The following CDC42BPA variants were observed in gnomAD, a reference collection of about 807,000 sequenced individuals.
CDC42BPA encodes serine/threonine-protein kinase MRCK alpha.
A neutral mutation model predicts 223.5 loss-of-function variants in CDC42BPA; 80 were observed. The ratio of observed to expected loss-of-function variants is 0.36; its 90% CI spans 0.30 to 0.43. The LOEUF (loss-of-function observed/expected upper bound fraction) is 0.43. CDC42BPA is among the 20% of genes least tolerant of loss of function. The pLI is 1.00. For synonymous variants in CDC42BPA, 694 were observed against 718.6 expected, an observed-to-expected ratio of 0.97 and a Z score of 0.55; for missense variants, 1,743 against 2,099.9, an observed-to-expected ratio of 0.83 and a Z score of 3.32.
At chr1:227,237,451 C>A (rs1017416664) in intron 2 of CDC42BPA, among the ~76,000 whole-genome samples, 1 of 152,128 alleles carries the variant, frequency 6.6e-6, no homozygotes. Context: ...AAAAAAGACA[C>A]ACTTAAATAC....
intron 32 of CDC42BPA, among the ~76,000 whole-genome samples, chr1:227,019,275 C>A (rs1053631730): frequency 6.6e-6 from 1 of 152,066 alleles, no homozygotes; most frequent in African/African-American, 2.4e-5. Flanking sequence ...CCATGAGATA[C>A]AACACCTCAT....
At chr1:227,304,070 A>T (rs1192008617) in intron 1 of CDC42BPA, among the ~76,000 whole-genome samples, 1 of 152,190 alleles carries the variant, frequency 6.6e-6, no homozygotes, top group Non-Finnish European at 1.5e-5. Flanking sequence ...ACAAATTGCC[A>T]ACTGCTAGGG....
chr1:227,032,299 A>T (rs1669429423), intron 27 of CDC42BPA, among the ~76,000 whole-genome samples: 1 of 152,192 alleles, frequency 6.6e-6, no homozygotes, highest in Non-Finnish European at 1.5e-5. Flanking sequence ...GGGCCTCTGT[A>T]GGCTCCCTTG....
chr1:227,095,501 C>G (rs913653637), intron 15 of CDC42BPA, among the ~76,000 whole-genome samples: 1 of 151,378 alleles, frequency 6.6e-6, no homozygotes, highest in African/African-American at 2.4e-5. Context: ...TTCTGTGGAT[C>G]ATGATGACTT....
intron 5 of CDC42BPA, among the ~76,000 whole-genome samples, chr1:227,193,040 GA>G (rs1234320172): frequency 6.8e-6 from 1 of 147,962 alleles, no homozygotes; most frequent in African/African-American, 2.5e-5. Context: ...GTGATTTCTA[GA>G]AATGCTGACT....
rs1446239776 is a variant in CDC42BPA at position 227,193,604 on chromosome 1, T to C, written c.599+182A>G. 7 of 555,340 alleles carry C rather than the reference T, an allele frequency of 1.3e-5. No homozygotes were observed. The Admixed American group carries it at 2.4e-4, about 19-fold the overall frequency. 34.4% of individuals were successfully genotyped at this position (555,340 alleles called of 1,614,324 possible). A position where few individuals can be genotyped will look rare whatever the true frequency, so the allele number is the denominator to read the frequency against. ...TATGTATAAGCAGGCACATCGGTTC[T>C]GTAATGCTGACAAATAATAACAACA... On this transcript the variant is annotated intron_variant, in intron 5 of 36. Transcript: ENST00000366766.
Position 227,091,874 on chromosome 1 carries a change from T to C in CDC42BPA, c.2355+12A>G, listed in dbSNP as rs1433012691. On this transcript the variant is annotated intron_variant, in intron 16 of 36. Coordinates refer to ENST00000366766, the MANE Select transcript of CDC42BPA (RefSeq NM_001394014.1). ...ATGTACTACTCAATTAATATGAGAT[T>C]AAATCACTCACCTTATCAAGTTCAC... is the stretch of plus-strand genomic sequence containing the variant. The C allele has an allele frequency of 6.9e-7, 1 of 1,448,694 alleles. No individual in the cohort carries two copies. The highest frequency in any genetic ancestry group is 1.2e-5 in the South Asian group (1 of 83,674). 89.7% of individuals were successfully genotyped at this position (1,448,694 alleles called of 1,614,324 possible). A position where few individuals can be genotyped will look rare whatever the true frequency, so the allele number is the denominator to read the frequency against.
intron 1 of CDC42BPA, among the ~76,000 whole-genome samples, chr1:227,287,721 T>G (rs1243874290): frequency 6.6e-6 from 1 of 152,140 alleles, no homozygotes; most frequent in Non-Finnish European, 1.5e-5. Flanking sequence ...TGACAAATAA[T>G]TATACATATT....
chr1:227,246,450 G>C (rs891135436), intron 2 of CDC42BPA, among the ~76,000 whole-genome samples: 5 of 152,182 alleles, frequency 3.3e-5, no homozygotes, highest in African/African-American at 1.2e-4. Context: ...GTCTGACCCA[G>C]CACAGTCCCA....
Position 227,051,996 on chromosome 1 carries a change from A to T in CDC42BPA, c.2905-11T>A. 1 of 1,360,464 alleles carries T rather than the reference A, an allele frequency of 7.4e-7. No homozygotes were observed. Among genetic ancestry groups the T allele is most frequent in the Middle Eastern group, 2.1e-4 (1 of 4,762 alleles). The allele number at this position is 1,360,464 out of a possible 1,614,324, so 84.3% of individuals were successfully genotyped here. On this transcript the variant is annotated splice_polypyrimidine_tract_variant and intron_variant, in intron 21 of 36. Coordinates refer to ENST00000366766, the MANE Select transcript of CDC42BPA (RefSeq NM_001394014.1). ...CTCAACGGGATCAGTCTAGGAAAAT[A>T]AGTCGGGAAAAATAAAAACCCAAAA...
Position 227,005,093 on chromosome 1 carries a change from T to A in CDC42BPA, c.4876A>T (p.Ser1626Cys), listed in dbSNP as rs758497392. The change falls in exon 35 of 37, where the codon AGT becomes TGT. Residue 1626 changes from serine to cysteine, a missense_variant. Physicochemically the swap from Ser to Cys is moderately radical, Grantham distance 112. Around this residue, in one of 6 missense-constraint regions of CDC42BPA, gnomAD observed 200 missense variants for 192.8 expected, o/e 1.04. Transcript: ENST00000366766. ...ACTGAGCCACTGAATACTGTCCGAC[T>A]TTCCTGAGGCCGAGGGTTCTATAAA... ...DLPMNPRPQE[S>C]RTVFSGSVSI... 1 of 1,613,720 alleles carries A rather than the reference T, an allele frequency of 6.2e-7. No homozygotes were observed. The highest frequency in any genetic ancestry group is 8.5e-7 in the Non-Finnish European group (1 of 1,179,568).
chr1:227,148,183 G>A lies in CDC42BPA; in HGVS notation c.694-624C>T, dbSNP rs2149693011. ...AAAACAGGTAATTAAAACCAGGCAT[G>A]GGAGCTGACATCTGTAATCCCAGCA... On this transcript the variant is annotated intron_variant, in intron 6 of 36. Transcript: ENST00000366766. 2.0e-5 allele frequency among the ~76,000 whole-genome samples: 3 copies of A among 152,260 alleles called. No individual in the cohort carries two copies. In the South Asian group the frequency reaches 6.2e-4, roughly 32 times the overall value.
chr1:227,158,586 T>C (rs1482072064), intron 6 of CDC42BPA, among the ~76,000 whole-genome samples: 1 of 152,144 alleles, frequency 6.6e-6, no homozygotes, highest in East Asian at 1.9e-4. Context: ...GCCCCTCTAC[T>C]TGGAAGGAAG....
chr1:227,114,263 A>T (rs569081214), intron 12 of CDC42BPA, among the ~76,000 whole-genome samples: 1 of 152,150 alleles, frequency 6.6e-6, no homozygotes, highest in East Asian at 1.9e-4. Context: ...GGAAAATTAG[A>T]CTAAGAACAG....
chr1:227,196,337 A>ATTTTTTTTT (rs1558733013), intron 4 of CDC42BPA, among the ~76,000 whole-genome samples: 1 of 28,192 alleles, frequency 3.5e-5, no homozygotes, highest in Admixed American at 4.2e-4. Flanking sequence ...ATTAAACAAT[A>ATTTTTTTTT]CTTTTTTTTT....
chr1:227,255,757 A>G (rs1442937045), intron 1 of CDC42BPA, among the ~76,000 whole-genome samples: 1 of 152,258 alleles, frequency 6.6e-6, no homozygotes, highest in Non-Finnish European at 1.5e-5. Flanking sequence ...GAGGTGAAAG[A>G]CTTGTACATT....
intron 2 of CDC42BPA, among the ~76,000 whole-genome samples, chr1:227,230,989 A>C (rs924676210): frequency 6.6e-6 from 1 of 150,910 alleles, no homozygotes; most frequent in African/African-American, 2.4e-5. Flanking sequence ...CCTAGCTAAT[A>C]ATTTTTTTTA....
intron 21 of CDC42BPA, chr1:227,068,685 GA>G: frequency 8.3e-7 from 1 of 1,207,300 alleles, no homozygotes; most frequent in Admixed American, 3.0e-5. Context: ...TGAAGATGAG[GA>G]AGAAGAAAAG....
chr1:227,149,322 A>C (rs1019156537), intron 6 of CDC42BPA, among the ~76,000 whole-genome samples: 1 of 152,228 alleles, frequency 6.6e-6, no homozygotes, highest in African/African-American at 2.4e-5. Context: ...ACACTGACCC[A>C]AGGTTAGTTG....
Sources: allele counts gnomAD v4.1 joint callset (sites outside exome capture counted in the v4.1 genomes callset), GRCh38; gene constraint gnomAD v4.1.1; regional missense constraint gnomAD v4.1.1; transcripts MANE v1.5; gene names NCBI Gene and HGNC (gene_info 2026-07-23, HGNC 2026-07-21).